Variants in DDX17 observed in about 807,000 individuals in gnomAD.
DDX17 encodes the protein probable ATP-dependent RNA helicase DDX17.
Under a neutral mutation model 80.8 loss-of-function variants are expected in DDX17, and 10 were observed. That is an observed-to-expected ratio of 0.12 (90% CI 0.08 to 0.21). The LOEUF is 0.21. Ranked by LOEUF, DDX17 falls within the 10% of genes least tolerant of loss-of-function variation. The pLI is 1.00. For missense variants in DDX17, 586 were observed against 957.4 expected (o/e 0.61, Z 5.12); for synonymous variants, 339 against 336.2 (o/e 1.01, Z -0.09).
chr22:38,493,553 G>A lies in DDX17; in HGVS notation c.1387+157C>T, dbSNP rs1056735909. On this transcript the variant is annotated intron_variant, in intron 10 of 12. Transcript: ENST00000403230. ...TTTTGTCCTAAAACAGCAGTGCTGA[G>A]TGGCTATAACAGAGACCACCATTTG... 4 of 628,944 alleles carry A rather than the reference G, an allele frequency of 6.4e-6. 1 individual carries two copies. In the South Asian group the frequency reaches 8.0e-5, roughly 13 times the overall value. The allele number at this position is 628,944 out of a possible 1,614,324, so 39.0% of individuals were successfully genotyped here.
chr22:38,490,582 G>T, intron 11 of DDX17: 1 of 597,850 alleles, frequency 1.7e-6, no homozygotes, highest in Non-Finnish European at 2.5e-6. Flanking sequence ...GGGAATCAAA[G>T]AACTTACCTG....
At chr22:38,501,947 C>T (rs1229961914) in intron 1 of DDX17, among the ~76,000 whole-genome samples, 2 of 152,154 alleles carry the variant, frequency 1.3e-5, no homozygotes, top group Non-Finnish European at 2.9e-5. Flanking sequence ...AGATTGTGGA[C>T]AAGAAGGAAG....
intron 11 of DDX17, chr22:38,490,107 G>A (rs918506932): frequency 1.8e-6 from 2 of 1,138,454 alleles, no homozygotes; most frequent in Non-Finnish European, 2.2e-6. Flanking sequence ...GTGTGTGCAT[G>A]CACAGCTGGA....
At chr22:38,503,966 T>A (rs2089855489) in intron 1 of DDX17, among the ~76,000 whole-genome samples, 1 of 152,254 alleles carries the variant, frequency 6.6e-6, no homozygotes, top group South Asian at 2.1e-4. Context: ...AAAAATGTCA[T>A]CTGATACTCA....
chr22:38,493,647 A>C, intron 10 of DDX17, 63 bp downstream of exon 10: 2 of 1,318,886 alleles, frequency 1.5e-6, no homozygotes, highest in Non-Finnish European at 2.2e-6. Context: ...GAAATAGAGC[A>C]TGAACATTCA....
chr22:38,500,329 G>C (rs1304542399), intron 2 of DDX17, among the ~76,000 whole-genome samples: 1 of 152,018 alleles, frequency 6.6e-6, no homozygotes, highest in Admixed American at 6.6e-5. Flanking sequence ...CCTTTTATGA[G>C]TATTAGGGGT....
Position 38,489,555 on chromosome 22 carries a change from T to C in DDX17, c.1448-1440A>G. On this transcript the variant is annotated intron_variant, in intron 11 of 12. Coordinates refer to ENST00000403230, the MANE Select transcript of DDX17 (RefSeq NM_006386.5). This position sits in a 1 kb window ranked among gnomAD's most constrained non-coding sequence, Gnocchi z 4.6. ...ATAATTAATAAAAAAAAATGTAAGT[T>C]ACATCCAAAGGGTCAGACTGCATCT... 1 of 984,726 alleles carries C rather than the reference T, an allele frequency of 1.0e-6. No homozygotes were observed. The highest frequency in any genetic ancestry group is 1.2e-6 in the Non-Finnish European group (1 of 829,564). 61.0% of individuals were successfully genotyped at this position (984,726 alleles called of 1,614,324 possible).
intron 3 of DDX17, among the ~76,000 whole-genome samples, 169 bp from the exon 4 acceptor site, chr22:38,498,742 G>T (rs546153450): frequency 6.6e-6 from 1 of 152,218 alleles, no homozygotes; most frequent in Admixed American, 6.5e-5. Flanking sequence ...TAGCTTCTAA[G>T]GGCCAGGCTA....
In DDX17 at chr22:38,489,587, C is replaced by G; in HGVS notation, c.1448-1472G>C. On this transcript the variant is annotated intron_variant, in intron 11 of 12. Coordinates refer to ENST00000403230, the MANE Select transcript of DDX17 (RefSeq NM_006386.5). The surrounding 1 kb of genome is among the most constrained non-coding windows in gnomAD (Gnocchi z 4.6). ...AAAGGGTCAGACTGCATCTATTGCCCAGACTGGATTAATTTCAAGGGAGAA... is the reference window on the plus strand; with the variant it reads ...AAAGGGTCAGACTGCATCTATTGCCGAGACTGGATTAATTTCAAGGGAGAA... 3.0e-6 allele frequency: 3 copies of G among 984,560 alleles called. No homozygotes were observed. Among genetic ancestry groups the G allele is most frequent in the Non-Finnish European group, 3.6e-6 (3 of 829,700 alleles). The allele number at this position is 984,560 out of a possible 1,614,324, so 61.0% of individuals were successfully genotyped here. A position where few individuals can be genotyped will look rare whatever the true frequency, so the allele number is the denominator to read the frequency against.
At chr22:38,497,631 A>AAAAAAAG (rs2089783403) in intron 5 of DDX17, among the ~76,000 whole-genome samples, 1 of 149,966 alleles carries the variant, frequency 6.7e-6, no homozygotes, top group Non-Finnish European at 1.5e-5. Context: ...AAAAAAAAAA[A>AAAAAAAG]AAAAAAGAAA....
intron 11 of DDX17, chr22:38,491,812 A>G (rs1005895186): frequency 5.1e-6 from 2 of 393,614 alleles, no homozygotes; most frequent in Non-Finnish European, 8.8e-6. Flanking sequence ...TGCAGACCAA[A>G]GCCTGTTTGT....
At chr22:38,499,371 A>G in intron 3 of DDX17, 29 bp downstream of exon 3, 1 of 1,573,230 alleles carries the variant, frequency 6.4e-7, no homozygotes, top group Non-Finnish European at 8.8e-7. Context: ...AATTTAACAA[A>G]TTAAGGTTCT....
At chr22:38,492,596 C>T (rs920544401) in intron 10 of DDX17, among the ~76,000 whole-genome samples, 2 of 152,210 alleles carry the variant, frequency 1.3e-5, no homozygotes, top group African/African-American at 2.4e-5. Flanking sequence ...AAGCGATTCT[C>T]CTGCCTCAGT....
Position 38,489,621 on chromosome 22 carries a change from T to TCA in DDX17, c.1448-1507_1448-1506insTG. On this transcript the variant is annotated intron_variant, in intron 11 of 12. Coordinates refer to ENST00000403230, the MANE Select transcript of DDX17 (RefSeq NM_006386.5). The surrounding 1 kb of genome is among the most constrained non-coding windows in gnomAD (Gnocchi z 4.6). Reference sequence around the variant, plus strand: ...TTAATTTCAAGGGAGAAAGGGGAGATTAAAAAAAAAAAATTAGCTGTTGTT... The same window carrying TCA: ...TTAATTTCAAGGGAGAAAGGGGAGATCATAAAAAAAAAAAATTAGCTGTTGTT... The TCA allele has an allele frequency of 1.6e-6, 1 of 619,062 alleles. No homozygotes were observed. The highest frequency in any genetic ancestry group is 6.6e-5 in the Admixed American group (1 of 15,086). 38.3% of individuals were successfully genotyped at this position (619,062 alleles called of 1,614,324 possible). A position where few individuals can be genotyped will look rare whatever the true frequency, so the allele number is the denominator to read the frequency against.
chr22:38,487,860 C>G lies in DDX17; in HGVS notation c.1684+19G>C. On this transcript the variant is annotated intron_variant, in intron 12 of 12. Transcript: ENST00000403230. ...AGATACCTTGGCAGTACCTGGAAAACTCCAGGACTTACCCTTACCCCCGCC... is the reference window on the plus strand; with the variant it reads ...AGATACCTTGGCAGTACCTGGAAAAGTCCAGGACTTACCCTTACCCCCGCC... 6.2e-7 allele frequency: 1 copy of G among 1,613,748 alleles called. No individual in the cohort carries two copies. The highest frequency in any genetic ancestry group is 8.5e-7 in the Non-Finnish European group (1 of 1,179,956).
At position 38,494,653 on chromosome 22, in the gene DDX17, G is replaced by A. The variant is rs1203844445; in HGVS notation, c.1191C>T (p.Cys397=). The change falls in exon 8 of 13, where the codon TGC becomes TGT. Residue 397 remains cysteine, a synonymous_variant. Transcript: ENST00000403230. Reference sequence around the variant, plus strand: ...ACTTGTGGTCTTTTTCACTTTCCATGCAGACATCCACTATCTGGAGGATGT... The same window carrying A: ...ACTTGTGGTCTTTTTCACTTTCCATACAGACATCCACTATCTGGAGGATGT... 1 of 1,614,006 alleles carries A rather than the reference G, an allele frequency of 6.2e-7. No individual in the cohort carries two copies. Among genetic ancestry groups the A allele is most frequent in the Admixed American group, 1.7e-5 (1 of 59,966 alleles).
At position 38,489,123 on chromosome 22, in the gene DDX17, G is replaced by C; in HGVS notation, c.1448-1008C>G. 8.1e-6 allele frequency: 8 copies of C among 984,406 alleles called. 1 individual carries two copies. Among genetic ancestry groups the C allele is most frequent in the Non-Finnish European group, 9.6e-6 (8 of 829,174 alleles). 61.0% of individuals were successfully genotyped at this position (984,406 alleles called of 1,614,324 possible). On this transcript the variant is annotated intron_variant, in intron 11 of 12. Coordinates refer to ENST00000403230, the MANE Select transcript of DDX17 (RefSeq NM_006386.5). This position sits in a 1 kb window ranked among gnomAD's most constrained non-coding sequence, Gnocchi z 4.6. ...TAACAAAGAATCCTACTGTTTTGTG[G>C]AAAAAAATCTGCATTTTACAAAGAA...
chr22:38,502,524 G>GA (rs1183339857), intron 1 of DDX17, among the ~76,000 whole-genome samples: 3 of 143,720 alleles, frequency 2.1e-5, no homozygotes, highest in Non-Finnish European at 4.7e-5. Context: ...AATTTACAGA[G>GA]AAAAAAACAC....
intron 1 of DDX17, among the ~76,000 whole-genome samples, chr22:38,503,605 A>G (rs1467074252): frequency 6.6e-6 from 1 of 152,232 alleles, no homozygotes; most frequent in Non-Finnish European, 1.5e-5. Flanking sequence ...GAGCATATCC[A>G]TGCCATCTTT....
Sources: gnomAD v4.1 joint callset for allele counts (sites outside exome capture counted in the v4.1 genomes callset) on GRCh38, gnomAD v4.1.1 for gene constraint, Gnocchi (gnomAD v3.1) non-coding constraint, MANE v1.5 for transcripts, NCBI Gene and HGNC (gene_info 2026-07-23, HGNC 2026-07-21) for gene names.